Variants in TMEM163 observed in about 807,000 individuals in gnomAD.
TMEM163 encodes the protein transmembrane protein 163.
A neutral mutation model predicts 29.3 loss-of-function variants in TMEM163; 17 were observed. The ratio of observed to expected loss-of-function variants is 0.58; its 90% CI spans 0.40 to 0.87. The LOEUF is 0.87. TMEM163 is among the 40% of genes least tolerant of loss of function. The pLI, the probability that TMEM163 is intolerant of heterozygous loss-of-function variation, is 0.00. For synonymous variants in TMEM163, 157 were observed against 160.6 expected (o/e 0.98, Z 0.17); for missense variants, 303 against 381.5 (o/e 0.79, Z 1.71).
At chr2:134,473,320 G>T (rs1367273659) in intron 5 of TMEM163, among the ~76,000 whole-genome samples, 1 of 152,118 alleles carries the variant, frequency 6.6e-6, no homozygotes, top group Non-Finnish European at 1.5e-5. Context: ...TGGATCACTT[G>T]AGGTCAGGAG....
chr2:134,495,843 A>G (rs1159920094), intron 5 of TMEM163, among the ~76,000 whole-genome samples: 4 of 152,158 alleles, frequency 2.6e-5, no homozygotes, highest in Non-Finnish European at 5.9e-5. Context: ...AATCCATACA[A>G]AAAAAGTAAT....
chr2:134,700,916 A>G (rs151006614), intron 2 of TMEM163, among the ~76,000 whole-genome samples: 2 of 125,524 alleles, frequency 1.6e-5, no homozygotes, highest in African/African-American at 6.7e-5. Flanking sequence ...ATACATAAAT[A>G]AATAAATAAA....
intron 4 of TMEM163, among the ~76,000 whole-genome samples, chr2:134,535,993 G>T (rs550203937): frequency 6.6e-6 from 1 of 152,272 alleles, no homozygotes; most frequent in East Asian, 1.9e-4. Flanking sequence ...AAAGTGCTGG[G>T]ATTATAGGCA....
intron 2 of TMEM163, among the ~76,000 whole-genome samples, chr2:134,621,631 C>G (rs1312121345): frequency 6.6e-6 from 1 of 152,184 alleles, no homozygotes; most frequent in Admixed American, 6.5e-5. Flanking sequence ...TGGCTCACCC[C>G]TGTAATCCCA....
chr2:134,484,698 GACA>G (rs889666392), intron 5 of TMEM163, among the ~76,000 whole-genome samples: 1 of 152,124 alleles, frequency 6.6e-6, no homozygotes, highest in Non-Finnish European at 1.5e-5. Context: ...GAATAACAAT[GACA>G]ACAATAACAA....
In TMEM163 at chr2:134,481,930, C is replaced by G. The variant is rs547535052; in HGVS notation, c.556-15705G>C. Among the ~76,000 whole-genome samples the G allele has an allele frequency of 7.2e-5, 11 of 152,286 alleles. 1 individual carries two copies. In the East Asian group the frequency reaches 1.2e-3, roughly 16 times the overall value. ...GTCTCAAGGCGACCTTCCACCTCCT[C>G]CAACGTGCTCAGCAGGAATGAACCC... On this transcript the variant is annotated intron_variant, in intron 5 of 7. Coordinates refer to ENST00000281924, the MANE Select transcript of TMEM163 (RefSeq NM_030923.5).
intron 5 of TMEM163, among the ~76,000 whole-genome samples, chr2:134,484,230 A>T (rs2106480452): frequency 1.3e-5 from 2 of 152,122 alleles, no homozygotes. Flanking sequence ...GCGTGGAGGA[A>T]AAAAAAACAC....
At chr2:134,492,705 C>A (rs1456386511) in intron 5 of TMEM163, among the ~76,000 whole-genome samples, 6 of 152,236 alleles carry the variant, frequency 3.9e-5, no homozygotes, top group African/African-American at 1.4e-4. Context: ...ACCGAGCAGT[C>A]TTCCACTGTG....
intron 7 of TMEM163, 31 bp downstream of exon 7, chr2:134,458,001 G>A: frequency 6.2e-7 from 1 of 1,613,674 alleles, no homozygotes; most frequent in Non-Finnish European, 8.5e-7. Flanking sequence ...CTAGCTGCCA[G>A]GAAAGCAAAC....
chr2:134,633,966 C>CATATATAT lies in TMEM163; in HGVS notation c.322+79226_322+79233dup, dbSNP rs535811215. Among the ~76,000 whole-genome samples, 36 of 37,880 alleles carry CATATATAT rather than the reference C, an allele frequency of 9.5e-4. 1 individual carries two copies. The highest frequency in any genetic ancestry group is 4.0e-3 in the South Asian group (2 of 498). 24.9% of individuals were successfully genotyped at this position (37,880 alleles called of 152,430 possible). A position where few individuals can be genotyped will look rare whatever the true frequency, so the allele number is the denominator to read the frequency against. ...GTGAAACTGTCTCAAAAAAAAAATA[C>CATATATAT]ATATATATATATATATATATATATA... On this transcript the variant is annotated intron_variant, in intron 2 of 7. Coordinates refer to ENST00000281924, the MANE Select transcript of TMEM163 (RefSeq NM_030923.5).
At chr2:134,535,717 G>GTTTTT (rs59227102) in intron 4 of TMEM163, among the ~76,000 whole-genome samples, 7 of 142,548 alleles carry the variant, frequency 4.9e-5, no homozygotes, top group African/African-American at 1.9e-4. Flanking sequence ...TATTTGTATG[G>GTTTTT]TTTTTTTTTT....
intron 2 of TMEM163, among the ~76,000 whole-genome samples, chr2:134,694,244 T>A (rs938658): frequency 0.31 from 47,115 of 152,100 alleles, 9,621 homozygotes; most frequent in African/African-American, 0.57. Context: ...ATTAACCATT[T>A]AAAAAGCTTT....
chr2:134,572,713 C>T (rs1681460715), intron 2 of TMEM163, among the ~76,000 whole-genome samples: 1 of 152,170 alleles, frequency 6.6e-6, no homozygotes, highest in East Asian at 1.9e-4. Context: ...CCTACCAAGC[C>T]AGACTCTCAG....
chr2:134,543,246 T>C (rs1427663540), intron 4 of TMEM163, among the ~76,000 whole-genome samples: 2 of 152,174 alleles, frequency 1.3e-5, no homozygotes, highest in Admixed American at 6.5e-5. Context: ...GGAGGGCCAC[T>C]CCCTTCTGCC....
chr2:134,531,421 G>A (rs1232671970), intron 4 of TMEM163, among the ~76,000 whole-genome samples: 2 of 152,140 alleles, frequency 1.3e-5, no homozygotes, highest in African/African-American at 2.4e-5. Flanking sequence ...ACTCGGTGAC[G>A]GTGTCAGATC....
intron 2 of TMEM163, among the ~76,000 whole-genome samples, chr2:134,606,934 GT>G (rs1682384977): frequency 1.4e-5 from 2 of 147,658 alleles, no homozygotes; most frequent in African/African-American, 5.3e-5. Flanking sequence ...AACTGTGCTG[GT>G]GAAAAGGAGG....
chr2:134,462,448 C>G (rs1686566446), intron 6 of TMEM163, among the ~76,000 whole-genome samples: 1 of 152,178 alleles, frequency 6.6e-6, no homozygotes, highest in Non-Finnish European at 1.5e-5. Flanking sequence ...TGCTCTGTCC[C>G]CCCACTTCCA....
chr2:134,530,278 A>C (rs1558935405), intron 4 of TMEM163, among the ~76,000 whole-genome samples: 1 of 152,058 alleles, frequency 6.6e-6, no homozygotes, highest in Non-Finnish European at 1.5e-5. Context: ...GTGTGTGTTT[A>C]ATATATACAT....
chr2:134,520,477 T>C (rs1042428623), intron 4 of TMEM163, among the ~76,000 whole-genome samples: 1 of 152,246 alleles, frequency 6.6e-6, no homozygotes, highest in Admixed American at 6.5e-5. Flanking sequence ...CTCTATGCCA[T>C]GATTTCATTG....
Sources: gnomAD v4.1 joint callset for allele counts (sites outside exome capture counted in the v4.1 genomes callset) on GRCh38, gnomAD v4.1.1 for gene constraint, MANE v1.5 for transcripts, NCBI Gene and HGNC (gene_info 2026-07-23, HGNC 2026-07-21) for gene names.